Variants in GUCY1A2 observed in about 807,000 individuals in gnomAD.
GUCY1A2 encodes the protein guanylate cyclase soluble subunit alpha-2.
In GUCY1A2, 27 loss-of-function variants were observed where a neutral mutation model predicts 63.5. The ratio of observed to expected loss-of-function variants is 0.43; its 90% CI spans 0.31 to 0.59. GUCY1A2 has a LOEUF of 0.59. Among genes scored for constraint, GUCY1A2 ranks in the 20% least tolerant of loss-of-function variants. GUCY1A2 has a pLI of 0.11. For missense variants in GUCY1A2, 768 were observed against 913.3 expected (o/e 0.84, Z 2.05); for synonymous variants, 364 against 343.5 (o/e 1.06, Z -0.66).
Position 106,676,076 on chromosome 11 carries a change from T to C in GUCY1A2, c.*11473A>G, listed in dbSNP as rs899710048. 1.1e-5 allele frequency: 2 copies of C among 183,396 alleles called. No homozygotes were observed. Among genetic ancestry groups the C allele is most frequent in the Non-Finnish European group, 2.3e-5 (2 of 86,282 alleles). The allele number at this position is 183,396 out of a possible 1,614,324, so 11.4% of individuals were successfully genotyped here. On this transcript the variant is annotated 3_prime_UTR_variant, in exon 8 of 8. Coordinates refer to ENST00000526355, the MANE Select transcript of GUCY1A2 (RefSeq NM_000855.3). Reference sequence around the variant, plus strand: ...ATAATTTTCTATTAACACAAACTTATGTCATGAAGATAATTAAGTGGTTTG... The same window carrying C: ...ATAATTTTCTATTAACACAAACTTACGTCATGAAGATAATTAAGTGGTTTG...
chr11:106,984,638 T>C (rs1329344261), intron 2 of GUCY1A2, among the ~76,000 whole-genome samples: 1 of 151,836 alleles, frequency 6.6e-6, no homozygotes, highest in African/African-American at 2.4e-5. Flanking sequence ...TGATGATGGA[T>C]ATTGTCATAA....
intron 4 of GUCY1A2, among the ~76,000 whole-genome samples, chr11:106,851,510 T>C (rs1403150179): frequency 6.6e-6 from 1 of 152,026 alleles, no homozygotes; most frequent in Non-Finnish European, 1.5e-5. Flanking sequence ...TTACTCCATC[T>C]TGAGTTGGTT....
In GUCY1A2 at chr11:106,687,270, T is replaced by TTA; in HGVS notation, c.*278_*279insTA. On this transcript the variant is annotated 3_prime_UTR_variant, in exon 8 of 8. Coordinates refer to ENST00000526355, the MANE Select transcript of GUCY1A2 (RefSeq NM_000855.3). ...ACATGGAATCTATTTATTGGTTAGT[T>TTA]CTGAAAGGGGACCCACACTTGTAAT... The TTA allele has an allele frequency of 2.7e-6, 1 of 363,644 alleles. No homozygotes were observed. The highest frequency in any genetic ancestry group is 5.5e-5 in the South Asian group (1 of 18,038). 22.5% of individuals were successfully genotyped at this position (363,644 alleles called of 1,614,324 possible).
chr11:106,841,120 A>T (rs1859190852), intron 4 of GUCY1A2, among the ~76,000 whole-genome samples: 1 of 151,628 alleles, frequency 6.6e-6, no homozygotes, highest in South Asian at 2.1e-4. Flanking sequence ...ATATGCCATG[A>T]TCTCTTTTCT....
intron 4 of GUCY1A2, among the ~76,000 whole-genome samples, chr11:106,880,166 A>G (rs1383327211): frequency 6.6e-6 from 1 of 152,010 alleles, no homozygotes; most frequent in Non-Finnish European, 1.5e-5. Context: ...GAATGACACC[A>G]TGGCCTAAGA....
Position 106,687,692 on chromosome 11 carries a change from A to C in GUCY1A2, c.2056T>G (p.Phe686Val). ...CAGATCCCAGGAATTTCCTTTGGAA[A>C]GTTGTCTGGAAGCTCTTCACGAGAC... Reference protein sequence around the residue: ...PRSREELPDNFPKEIPGICYF... With the variant: ...PRSREELPDNVPKEIPGICYF... Residue 686 changes from phenylalanine (F) to valine (V), a missense_variant, in exon 8 of 8, where the codon TTT becomes GTT. Phe to Val is a conservative substitution (Grantham distance 50). Around this residue, in one of 3 missense-constraint regions of GUCY1A2, gnomAD observed 150 missense variants for 188.3 expected, o/e 0.80. Coordinates refer to ENST00000526355, the MANE Select transcript of GUCY1A2 (RefSeq NM_000855.3). 1 of 1,613,628 alleles carries C rather than the reference A, an allele frequency of 6.2e-7. No homozygotes were observed. The highest frequency in any genetic ancestry group is 8.5e-7 in the Non-Finnish European group (1 of 1,179,518).
chr11:106,829,252 GA>G (rs1448041857), intron 4 of GUCY1A2, among the ~76,000 whole-genome samples: 1 of 152,244 alleles, frequency 6.6e-6, no homozygotes, highest in African/African-American at 2.4e-5. Flanking sequence ...CGGAAGCTAA[GA>G]TAAGGGAGGG....
chr11:106,763,220 G>A (rs933154625), intron 6 of GUCY1A2, among the ~76,000 whole-genome samples: 1 of 151,930 alleles, frequency 6.6e-6, no homozygotes. Context: ...ACAGTTTTGC[G>A]TACATTATTC....
intron 4 of GUCY1A2, among the ~76,000 whole-genome samples, chr11:106,861,982 A>G (rs762200298): frequency 2.0e-5 from 3 of 152,032 alleles, no homozygotes; most frequent in Non-Finnish European, 4.4e-5. Context: ...TTTCCTCTTC[A>G]TTAAACACTG....
intron 4 of GUCY1A2, among the ~76,000 whole-genome samples, chr11:106,844,401 A>T (rs1324448983): frequency 2.0e-5 from 3 of 151,744 alleles, no homozygotes; most frequent in African/African-American, 7.3e-5. Flanking sequence ...TCACCAGACA[A>T]ATTCAGTAGT....
chr11:106,897,800 A>C (rs1283595724), intron 4 of GUCY1A2, among the ~76,000 whole-genome samples: 1 of 152,114 alleles, frequency 6.6e-6, no homozygotes, highest in Non-Finnish European at 1.5e-5. Context: ...GAGTTTGGCA[A>C]TGACTTTTCA....
intron 5 of GUCY1A2, among the ~76,000 whole-genome samples, chr11:106,784,184 T>C (rs1255240418): frequency 6.6e-6 from 1 of 152,162 alleles, no homozygotes; most frequent in South Asian, 2.1e-4. Flanking sequence ...TCCTCCCCTT[T>C]CCTGCTGTTA....
chr11:106,994,341 T>C (rs765521025), intron 1 of GUCY1A2, among the ~76,000 whole-genome samples: 1 of 152,180 alleles, frequency 6.6e-6, no homozygotes, highest in African/African-American at 2.4e-5. Flanking sequence ...TTTCCAAAAA[T>C]AGCCATTGAA....
chr11:106,973,096 GA>G (rs1430446558), intron 3 of GUCY1A2, among the ~76,000 whole-genome samples: 1 of 152,054 alleles, frequency 6.6e-6, no homozygotes, highest in Non-Finnish European at 1.5e-5. Context: ...GCAGAATACA[GA>G]AGTTGTCTCT....
chr11:106,712,858 A>C (rs6588915), intron 6 of GUCY1A2, among the ~76,000 whole-genome samples: 95,478 of 152,022 alleles, frequency 0.63, 31,022 homozygotes, highest in African/African-American at 0.79. Flanking sequence ...GCTTTTCCAT[A>C]TGATCTTTTG....
In GUCY1A2 at chr11:106,682,901, T is replaced by C. The variant is rs1862455292; in HGVS notation, c.*4648A>G. ...GTTTGGATCAAGTGTGAGGAAGGAA[T>C]TTTGCACACTATCTCAGTATAGCCT... On this transcript the variant is annotated 3_prime_UTR_variant, in exon 8 of 8. Coordinates refer to ENST00000526355, the MANE Select transcript of GUCY1A2 (RefSeq NM_000855.3). 9.3e-6 allele frequency: 2 copies of C among 216,096 alleles called. No individual in the cohort carries two copies. The highest frequency in any genetic ancestry group is 4.5e-5 in the African/African-American group (2 of 44,404). The allele number at this position is 216,096 out of a possible 1,614,324, so 13.4% of individuals were successfully genotyped here.
At chr11:106,890,739 T>C (rs1859962496) in intron 4 of GUCY1A2, among the ~76,000 whole-genome samples, 1 of 152,172 alleles carries the variant, frequency 6.6e-6, no homozygotes, top group Non-Finnish European at 1.5e-5. Context: ...GCATAAACAC[T>C]GCAGAAAATA....
chr11:106,929,416 G>T, intron 4 of GUCY1A2, among the ~76,000 whole-genome samples: 1 of 152,074 alleles, frequency 6.6e-6, no homozygotes, highest in East Asian at 1.9e-4. Context: ...GAAAGAAGAA[G>T]AATTGCTAAA....
rs192808483 is a variant in GUCY1A2, at chr11:106,826,330, T to C, written c.1207-15852A>G. On this transcript the variant is annotated intron_variant, in intron 4 of 7. Coordinates refer to ENST00000526355, the MANE Select transcript of GUCY1A2 (RefSeq NM_000855.3). ...TAACTCAATACAGTCATTCATTTTA[T>C]TGACTTGTGATTTTTCTGGTGTCAT... is the stretch of plus-strand genomic sequence containing the variant. The C allele has an allele frequency of 3.1e-3, 4,118 of 1,319,466 alleles. 21 individuals are homozygous for C. The highest frequency in any genetic ancestry group is 9.6e-3 in the South Asian group (645 of 67,000). 81.7% of individuals were successfully genotyped at this position (1,319,466 alleles called of 1,614,324 possible).
Sources: gnomAD v4.1 joint callset for allele counts (sites outside exome capture counted in the v4.1 genomes callset) on GRCh38, gnomAD v4.1.1 for gene constraint, gnomAD v4.1.1 regional missense constraint, MANE v1.5 for transcripts, NCBI Gene and HGNC (gene_info 2026-07-23, HGNC 2026-07-21) for gene names.